SVEP1: variants seen among roughly 807,000 people sequenced by gnomAD.
SVEP1 encodes sushi, von Willebrand factor type A, EGF and pentraxin domain containing 1, also known as sushi, von Willebrand factor type A, EGF and pentraxin domain-containing protein 1.
In SVEP1, 164 loss-of-function variants were observed where a neutral mutation model predicts 367.3. The observed-to-expected ratio is 0.45, with a 90% CI of 0.39 to 0.51. SVEP1 has a LOEUF of 0.51. Ranked by LOEUF, SVEP1 falls within the 20% of genes least tolerant of loss-of-function variation. The probability of loss-of-function intolerance (pLI) is 0.00; values close to 1 mark genes in which losing one functional copy is unlikely to be tolerated. For missense variants in SVEP1, 4,117 were observed against 4,425.3 expected (o/e 0.93, Z 1.98); for synonymous variants, 1,666 against 1,611.6 (o/e 1.03, Z -0.81).
At chr9:110,514,249 C>A (rs574624195) in intron 3 of SVEP1, 143 bp from the exon 4 acceptor site, 4 of 1,060,616 alleles carry the variant, frequency 3.8e-6, no homozygotes, top group Non-Finnish European at 5.5e-6. Flanking sequence ...TGGTGGCTCA[C>A]GCCTGTAATC....
rs1427328757 is a variant in SVEP1, at chr9:110,579,688, C to G, written c.-145G>C. The G allele has an allele frequency of 1.0e-6, 1 of 1,002,058 alleles. No individual in the cohort carries two copies. Among genetic ancestry groups the G allele is most frequent in the Admixed American group, 3.7e-5 (1 of 26,974 alleles). The allele number at this position is 1,002,058 out of a possible 1,614,324, so 62.1% of individuals were successfully genotyped here. Reference sequence around the variant, plus strand: ...AGCCTCAGCGCCCTTTCATCTGACACTGGGGACAGACACAATCCAGACTCC... The same window carrying G: ...AGCCTCAGCGCCCTTTCATCTGACAGTGGGGACAGACACAATCCAGACTCC... On this transcript the variant is annotated 5_prime_UTR_variant, in exon 1 of 48. Transcript: ENST00000374469. This position sits in a 1 kb window ranked among gnomAD's most constrained non-coding sequence, Gnocchi z 5.3.
intron 40 of SVEP1, among the ~76,000 whole-genome samples, chr9:110,397,722 T>C (rs1827787746): frequency 6.6e-6 from 1 of 152,156 alleles, no homozygotes; most frequent in Non-Finnish European, 1.5e-5. Context: ...AGCCAAATCA[T>C]GAGTGAACTC....
chr9:110,398,331 A>G (rs1225669574), intron 40 of SVEP1, among the ~76,000 whole-genome samples: 1 of 152,164 alleles, frequency 6.6e-6, no homozygotes, highest in Non-Finnish European at 1.5e-5. Flanking sequence ...CACCTTACAC[A>G]AAAAATTAAT....
intron 1 of SVEP1, among the ~76,000 whole-genome samples, chr9:110,562,050 T>C (rs915451966): frequency 2.0e-5 from 3 of 152,060 alleles, no homozygotes; most frequent in African/African-American, 7.2e-5. Context: ...ACAAATCATT[T>C]TGAAATGGAC....
intron 39 of SVEP1, among the ~76,000 whole-genome samples, chr9:110,402,605 T>C (rs1827881285): frequency 6.6e-6 from 1 of 151,812 alleles, no homozygotes; most frequent in South Asian, 2.1e-4. Flanking sequence ...AAAAAAGAGC[T>C]TAGTATCTTT....
At chr9:110,495,602 G>A (rs556185233) in intron 8 of SVEP1, among the ~76,000 whole-genome samples, 70 of 151,966 alleles carry the variant, frequency 4.6e-4, no homozygotes, top group Middle Eastern at 6.8e-3. Flanking sequence ...TCTATGTTGC[G>A]CTCTGCATCC....
chr9:110,517,452 G>C (rs1829819097), intron 3 of SVEP1, among the ~76,000 whole-genome samples: 1 of 151,632 alleles, frequency 6.6e-6, no homozygotes, highest in African/African-American at 2.4e-5. Context: ...ACAAAAGTTA[G>C]CTGGACATGG....
At chr9:110,436,140 T>TTGC (rs1828427918) in intron 28 of SVEP1, among the ~76,000 whole-genome samples, 1 of 151,954 alleles carries the variant, frequency 6.6e-6, no homozygotes, top group South Asian at 2.1e-4. Flanking sequence ...TTGCAAAATC[T>TTGC]AAAATAATGT....
chr9:110,521,735 T>C (rs1421283873), intron 3 of SVEP1, among the ~76,000 whole-genome samples: 1 of 152,218 alleles, frequency 6.6e-6, no homozygotes, highest in Non-Finnish European at 1.5e-5. Context: ...TCCTGATTTT[T>C]ATAATTAAAA....
chr9:110,375,526 T>C, intron 45 of SVEP1, 63 bp from the exon 46 acceptor site: 9 of 1,385,118 alleles, frequency 6.5e-6, no homozygotes, highest in Non-Finnish European at 8.8e-6. Context: ...TTGATCAAAG[T>C]ACACATCTTA....
At chr9:110,518,751 T>C (rs1240004974) in intron 3 of SVEP1, among the ~76,000 whole-genome samples, 2 of 152,226 alleles carry the variant, frequency 1.3e-5, no homozygotes, top group East Asian at 3.8e-4. Context: ...GTTACTTTTA[T>C]CTTAGATGCG....
intron 1 of SVEP1, among the ~76,000 whole-genome samples, chr9:110,572,816 A>AAAAAAAAAAAAAAAAGAG (rs1830582107): frequency 7.2e-6 from 1 of 138,204 alleles, no homozygotes; most frequent in Non-Finnish European, 1.6e-5. Flanking sequence ...AAAAAAAAAA[A>AAAAAAAAAAAAAAAAGAG]TGAGTACTAC....
intron 47 of SVEP1, among the ~76,000 whole-genome samples, chr9:110,367,932 TTAGG>T (rs1827223154): frequency 6.6e-6 from 1 of 151,846 alleles, no homozygotes; most frequent in Admixed American, 6.6e-5. Context: ...AATACAAAAA[TTAGG>T]TGGGTGTGGT....
intron 1 of SVEP1, among the ~76,000 whole-genome samples, chr9:110,568,344 A>G (rs1414083128): frequency 6.6e-6 from 1 of 152,252 alleles, no homozygotes; most frequent in Non-Finnish European, 1.5e-5. Context: ...TTATATACTC[A>G]TGGTAAACAC....
chr9:110,434,848 A>AAT lies in SVEP1; in HGVS notation c.4889-343_4889-342insAT, dbSNP rs1828409757. Among the ~76,000 whole-genome samples, 7 of 152,010 alleles carry AAT rather than the reference A, an allele frequency of 4.6e-5. No individual in the cohort carries two copies. In the South Asian group the frequency reaches 1.5e-3, roughly 32 times the overall value. On this transcript the variant is annotated intron_variant, in intron 29 of 47. Coordinates refer to ENST00000374469, the MANE Select transcript of SVEP1 (RefSeq NM_153366.4). Reference sequence around the variant, plus strand: ...TTTTGATCATTCAGTTTTAGTGTGCAGATTGCAACATCCATCGCTTTTCTC... The same window carrying AAT: ...TTTTGATCATTCAGTTTTAGTGTGCAATGATTGCAACATCCATCGCTTTTCTC...
In SVEP1 at chr9:110,387,492, C is replaced by T. The variant is rs1827543791; in HGVS notation, c.9887-34G>A. The T allele has an allele frequency of 1.9e-6, 3 of 1,547,780 alleles. No individual in the cohort carries two copies. In the East Asian group the frequency reaches 6.8e-5, roughly 35 times the overall value. ...AAGAATAAAAGCCTCATATTAATTGCTTCCCCAATTCCTCTTTCCTTCTTT... is the reference window on the plus strand; with the variant it reads ...AAGAATAAAAGCCTCATATTAATTGTTTCCCCAATTCCTCTTTCCTTCTTT... On this transcript the variant is annotated intron_variant, in intron 41 of 47. Transcript: ENST00000374469.
chr9:110,551,857 T>C (rs373401586), intron 1 of SVEP1, among the ~76,000 whole-genome samples: 1 of 151,668 alleles, frequency 6.6e-6, no homozygotes, highest in Non-Finnish European at 1.5e-5. Flanking sequence ...CTCTCCACAC[T>C]CTCTCCACAC....
At position 110,408,339 on chromosome 9, in the gene SVEP1, G is replaced by C; in HGVS notation, c.7261C>G (p.Leu2421Val). The C allele has an allele frequency of 6.2e-7, 1 of 1,613,890 alleles. No homozygotes were observed. The highest frequency in any genetic ancestry group is 8.5e-7 in the Non-Finnish European group (1 of 1,179,860). The change falls in exon 38 of 48, where the codon CTC (leucine) becomes GTC (valine). Residue 2421 changes from leucine (L) to valine (V), a missense_variant. By Grantham distance (32) the Leu-to-Val change is conservative (BLOSUM62 1). Around this residue, in one of 4 missense-constraint regions of SVEP1, gnomAD observed 1,765 missense variants for 1,781.1 expected, o/e 0.99. Transcript: ENST00000374469. ...GFFLRGNSTTLCQPDGTWSSP... is the reference protein window; with the variant it reads ...GFFLRGNSTTVCQPDGTWSSP... ...CTCCAGGTGCCATCAGGTTGGCAGA[G>C]GGTGGTAGAATTTCCTCTTAGGAAA...
chr9:110,466,571 A>G (rs950481551), intron 17 of SVEP1, among the ~76,000 whole-genome samples: 2 of 151,660 alleles, frequency 1.3e-5, no homozygotes, highest in African/African-American at 2.4e-5. Context: ...ATCCCGGCTA[A>G]AACGGTGAAA....
Sources: allele counts gnomAD v4.1 joint callset (sites outside exome capture counted in the v4.1 genomes callset), GRCh38; gene constraint gnomAD v4.1.1; regional missense constraint gnomAD v4.1.1; non-coding constraint Gnocchi (gnomAD v3.1); transcripts MANE v1.5; gene names NCBI Gene and HGNC (gene_info 2026-07-23, HGNC 2026-07-21).